Variants in PIK3C2G observed in about 807,000 individuals in gnomAD.
PIK3C2G encodes the protein phosphatidylinositol 3-kinase C2 domain-containing subunit gamma.
A neutral mutation model predicts 181.1 loss-of-function variants in PIK3C2G; 168 were observed. That is an observed-to-expected ratio of 0.93 (90% CI 0.82 to 1.05). The LOEUF is 1.05. PIK3C2G is among the 50% of genes least tolerant of loss of function. PIK3C2G has a pLI of 0.00. For missense variants in PIK3C2G, 1,869 were observed against 1,732.8 expected (o/e 1.08, Z -1.40); for synonymous variants, 573 against 592.2 (o/e 0.97, Z 0.47).
downstream of PIK3C2G, among the ~76,000 whole-genome samples, chr12:18,649,873 G>T (rs2631998): frequency 0.17 from 25,279 of 151,898 alleles, 2,606 homozygotes; most frequent in African/African-American, 0.29. Flanking sequence ...TAGCTTCGTT[G>T]CCTTTTTGTT....
chr12:18,696,042 C>T, the PIK3C2G span: 3 of 623,804 alleles, frequency 4.8e-6, no homozygotes, highest in East Asian at 1.0e-4. Flanking sequence ...AGCCCCCGGG[C>T]TAAAAAATCT....
chr12:18,354,773 G>A (rs972932101), intron 11 of PIK3C2G, among the ~76,000 whole-genome samples: 17 of 152,208 alleles, frequency 1.1e-4, no homozygotes, highest in African/African-American at 3.6e-4. Flanking sequence ...TGATGGTGGA[G>A]ACAGTTGGTT....
rs776114027 is a variant in PIK3C2G at position 18,293,857 on chromosome 12, A to G, written c.920-44A>G. On this transcript the variant is annotated intron_variant, in intron 4 of 32. Transcript: ENST00000538779. ...CTCAAAAACTTTTCCTAGTCAGTAT[A>G]TGATACACTTTTATTGACTTTTATT... 5.3e-6 allele frequency: 5 copies of G among 939,448 alleles called. No homozygotes were observed. In the East Asian group the frequency reaches 7.3e-5, roughly 14 times the overall value. The allele number at this position is 939,448 out of a possible 1,614,324, so 58.2% of individuals were successfully genotyped here. A position where few individuals can be genotyped will look rare whatever the true frequency, so the allele number is the denominator to read the frequency against.
intron 18 of PIK3C2G, among the ~76,000 whole-genome samples, chr12:18,462,390 C>CA (rs60548721): frequency 0.011 from 1,699 of 151,020 alleles, 31 homozygotes; most frequent in African/African-American, 0.039. Flanking sequence ...GAGCACCATA[C>CA]AAAAAAAAAT....
intron 29 of PIK3C2G, among the ~76,000 whole-genome samples, chr12:18,579,384 C>A (rs774083721): frequency 2.6e-5 from 4 of 152,114 alleles, no homozygotes; most frequent in Non-Finnish European, 5.9e-5. Flanking sequence ...TATAAGCAGT[C>A]TTACTTTTGC....
chr12:18,717,060 T>C, the PIK3C2G span, among the ~76,000 whole-genome samples: 1 of 152,054 alleles, frequency 6.6e-6, no homozygotes, highest in Non-Finnish European at 1.5e-5. Context: ...CAAGGAAAAA[T>C]ATTTTGAAAG....
chr12:18,701,397 T>A, the PIK3C2G span: 1 of 1,567,610 alleles, frequency 6.4e-7, no homozygotes, highest in Non-Finnish European at 8.6e-7. Flanking sequence ...AGAGTTTTTA[T>A]AAGAAGGAAA....
chr12:18,659,712 TGTG>T, the PIK3C2G span, among the ~76,000 whole-genome samples: 2,351 of 148,524 alleles, frequency 0.016, 58 homozygotes, highest in African/African-American at 0.055. Context: ...TTAGGGCACA[TGTG>T]CACAACGTGC....
At chr12:18,566,687 A>C (rs1261822200) in intron 28 of PIK3C2G, among the ~76,000 whole-genome samples, 1 of 152,164 alleles carries the variant, frequency 6.6e-6, no homozygotes, top group Non-Finnish European at 1.5e-5. Flanking sequence ...GGTCTGCCAT[A>C]AATATAGTAA....
At chr12:18,642,156 T>C (rs564007525) in intron 32 of PIK3C2G, among the ~76,000 whole-genome samples, 1 of 152,316 alleles carries the variant, frequency 6.6e-6, no homozygotes, top group East Asian at 1.9e-4. Context: ...ATGGTACCTT[T>C]GGGGTCGAAA....
At chr12:18,491,821 A>G (rs542229830) in intron 20 of PIK3C2G, among the ~76,000 whole-genome samples, 2 of 152,132 alleles carry the variant, frequency 1.3e-5, no homozygotes, top group East Asian at 1.9e-4. Flanking sequence ...AGAGGAACAT[A>G]GAGGAACATA....
chr12:18,651,344 G>T (rs12228011), downstream of PIK3C2G, among the ~76,000 whole-genome samples: 1 of 152,036 alleles, frequency 6.6e-6, no homozygotes, highest in African/African-American at 2.4e-5. Context: ...GTTGCAAGCT[G>T]CCCTGTCCCT....
chr12:18,484,891 T>C (rs1038780504), intron 18 of PIK3C2G, among the ~76,000 whole-genome samples: 1 of 152,206 alleles, frequency 6.6e-6, no homozygotes, highest in Non-Finnish European at 1.5e-5. Flanking sequence ...AAAAGTCATA[T>C]TCTGGAATCC....
chr12:18,690,158 G>T, the PIK3C2G span, among the ~76,000 whole-genome samples: 1 of 152,088 alleles, frequency 6.6e-6, no homozygotes, highest in Non-Finnish European at 1.5e-5. Context: ...AGATATATTG[G>T]GCATATACTT....
intron 31 of PIK3C2G, among the ~76,000 whole-genome samples, chr12:18,616,325 A>T (rs913214879): frequency 2.0e-5 from 3 of 152,252 alleles, no homozygotes; most frequent in Admixed American, 2.0e-4. Flanking sequence ...TGCCCTTAAC[A>T]CACAGTTATT....
intron 2 of PIK3C2G, among the ~76,000 whole-genome samples, chr12:18,285,714 T>C (rs1310713561): frequency 6.7e-6 from 1 of 150,096 alleles, no homozygotes; most frequent in Non-Finnish European, 1.5e-5. Context: ...AAAAGAAAAA[T>C]AGAAGAAAAT....
In PIK3C2G at chr12:18,475,373, AAC is replaced by A. The variant is rs57853875; in HGVS notation, c.2505-13041_2505-13040del. On this transcript the variant is annotated intron_variant, in intron 18 of 32. Coordinates refer to ENST00000538779, the MANE Select transcript of PIK3C2G (RefSeq NM_001288772.2). ...CTCTCTCAATCTCACCCACCACCCC[AAC>A]ACACACACACACACACACACACACA... Among the ~76,000 whole-genome samples the A allele has an allele frequency of 9.0e-3, 1,264 of 139,876 alleles. 12 individuals are homozygous for A. Among genetic ancestry groups the A allele is most frequent in the African/African-American group, 0.024 (913 of 37,894 alleles). 91.8% of individuals were successfully genotyped at this position (139,876 alleles called of 152,430 possible). A position where few individuals can be genotyped will look rare whatever the true frequency, so the allele number is the denominator to read the frequency against.
intron 24 of PIK3C2G, among the ~76,000 whole-genome samples, chr12:18,534,023 C>T (rs1298056303): frequency 6.3e-5 from 9 of 141,758 alleles, no homozygotes; most frequent in Non-Finnish European, 1.4e-4. Context: ...AATCTTGGCT[C>T]ACTGCAACCT....
intron 31 of PIK3C2G, among the ~76,000 whole-genome samples, chr12:18,622,471 G>T (rs1948904676): frequency 6.6e-6 from 1 of 151,816 alleles, no homozygotes; most frequent in African/African-American, 2.4e-5. Flanking sequence ...TGGACACTTG[G>T]GTTGATTTCA....
Sources: allele counts gnomAD v4.1 joint callset (sites outside exome capture counted in the v4.1 genomes callset), GRCh38; gene constraint gnomAD v4.1.1; transcripts MANE v1.5; gene names NCBI Gene and HGNC (gene_info 2026-07-23, HGNC 2026-07-21).